The following FOXRED1 variants were observed in gnomAD, a reference collection of about 807,000 sequenced individuals.
FOXRED1 encodes the protein FAD dependent oxidoreductase domain containing 1, also known as FAD-dependent oxidoreductase domain-containing protein 1.
In FOXRED1, 52 loss-of-function variants were observed where a neutral mutation model predicts 57.8. The observed-to-expected ratio is 0.90, with a 90% CI of 0.72 to 1.13. The LOEUF is 1.13. Ranked by LOEUF, FOXRED1 falls within the 50% of genes most tolerant of loss-of-function variation. The pLI, the probability that FOXRED1 is intolerant of heterozygous loss-of-function variation, is 0.00. For missense variants in FOXRED1, 589 were observed against 625.2 expected (o/e 0.94, Z 0.62); for synonymous variants, 271 against 248.3 (o/e 1.09, Z -0.86).
Position 126,271,308 on chromosome 11 carries a change from G to T in FOXRED1, c.86-129G>T. On this transcript the variant is annotated intron_variant, in intron 1 of 10. Transcript: ENST00000263578. This position sits in a 1 kb window ranked among gnomAD's most constrained non-coding sequence, Gnocchi z 5.3. Reference sequence around the variant, plus strand: ...TGTTGGGTGCAAGGTGACCTTATGAGATGGGCTGACAGTGGGGACTGCCAA... The same window carrying T: ...TGTTGGGTGCAAGGTGACCTTATGATATGGGCTGACAGTGGGGACTGCCAA... The T allele has an allele frequency of 1.4e-6, 1 of 736,502 alleles. No individual in the cohort carries two copies. Among genetic ancestry groups the T allele is most frequent in the Non-Finnish European group, 2.5e-6 (1 of 406,674 alleles). The allele number at this position is 736,502 out of a possible 1,614,324, so 45.6% of individuals were successfully genotyped here. A position where few individuals can be genotyped will look rare whatever the true frequency, so the allele number is the denominator to read the frequency against.
rs387907087 is a variant in FOXRED1, at chr11:126,276,476, C to T, written c.1054C>T (p.Arg352Trp). 13 of 1,608,600 alleles carry T rather than the reference C, an allele frequency of 8.1e-6. No individual in the cohort carries two copies. The highest frequency in any genetic ancestry group is 1.7e-4 in the Middle Eastern group (1 of 6,042). ...VADTSGAYFR[R>W]EGLGSNYLGG... ...AGACACCAGTGGAGCCTATTTTCGCCGGGAAGGATTAGGTAGCAACTACCT... is the reference window on the plus strand; with the variant it reads ...AGACACCAGTGGAGCCTATTTTCGCTGGGAAGGATTAGGTAGCAACTACCT... Residue 352 changes from arginine to tryptophan, a missense_variant, in exon 9 of 11, where the codon CGG becomes TGG. Transcript: ENST00000263578.
In FOXRED1 at chr11:126,277,490, T is replaced by G; in HGVS notation, c.1262T>G (p.Val421Gly). ...TACAACACCTTTGACCAGAATGGCG[T>G]GGTGGGCCCCCACCCGCTAGTTGTC... ...YDYNTFDQNG[V>G]VGPHPLVVNM... The change falls in exon 11 of 11, where the codon GTG (valine) becomes GGG (glycine). Residue 421 changes from valine (V) to glycine (G), a missense_variant. Physicochemically the swap from Val to Gly is moderately radical, Grantham distance 109. Coordinates refer to ENST00000263578, the MANE Select transcript of FOXRED1 (RefSeq NM_017547.4). The surrounding 1 kb of genome is among the most constrained non-coding windows in gnomAD (Gnocchi z 6.8). 6.2e-7 allele frequency: 1 copy of G among 1,613,536 alleles called. No homozygotes were observed. The highest frequency in any genetic ancestry group is 8.5e-7 in the Non-Finnish European group (1 of 1,179,996).
Position 126,275,765 on chromosome 11 carries a change from C to A in FOXRED1, c.734-29C>A. 1.4e-6 allele frequency: 2 copies of A among 1,469,884 alleles called. No homozygotes were observed. Among genetic ancestry groups the A allele is most frequent in the East Asian group, 2.3e-5 (1 of 44,190 alleles). The allele number at this position is 1,469,884 out of a possible 1,614,324, so 91.1% of individuals were successfully genotyped here. A position where few individuals can be genotyped will look rare whatever the true frequency, so the allele number is the denominator to read the frequency against. The stretch of plus-strand genomic sequence containing the variant: ...ATTTCATTCCTCTTCAGCACCTCTA[C>A]GGCCTATTTTTCATTTTCTTCTCTG... On this transcript the variant is annotated intron_variant, in intron 6 of 10. Transcript: ENST00000263578. This position sits in a 1 kb window ranked among gnomAD's most constrained non-coding sequence, Gnocchi z 5.9.
chr11:126,277,656 G>A lies in FOXRED1; in HGVS notation c.1428G>A (p.Leu476=). 1 of 1,613,680 alleles carries A rather than the reference G, an allele frequency of 6.2e-7. No homozygotes were observed. Residue 476 remains leucine, a synonymous_variant, in exon 11 of 11, where the codon TTG becomes TTA. Coordinates refer to ENST00000263578, the MANE Select transcript of FOXRED1 (RefSeq NM_017547.4). The surrounding 1 kb of genome is among the most constrained non-coding windows in gnomAD (Gnocchi z 6.8). ...CCTTCCTCTTTACCCGCTTTTACTT[G>A]GGAGAGAAGATCCAGGAGAACAACA... ...LSPFLFTRFY[L]GEKIQENNII
In FOXRED1 at chr11:126,271,947, G is replaced by A; in HGVS notation, c.306+290G>A. ...GAGCCTGCATTCAAGCTATAATTAAGTGTCTCAATTTTCTCTTTTTTTTTT... is the reference window on the plus strand; with the variant it reads ...GAGCCTGCATTCAAGCTATAATTAAATGTCTCAATTTTCTCTTTTTTTTTT... On this transcript the variant is annotated intron_variant, in intron 2 of 10. Coordinates refer to ENST00000263578, the MANE Select transcript of FOXRED1 (RefSeq NM_017547.4). This position sits in a 1 kb window ranked among gnomAD's most constrained non-coding sequence, Gnocchi z 5.3. The A allele has an allele frequency of 2.6e-6, 1 of 382,620 alleles. No homozygotes were observed. Among genetic ancestry groups the A allele is most frequent in the Non-Finnish European group, 5.0e-6 (1 of 201,986 alleles). The allele number at this position is 382,620 out of a possible 1,614,324, so 23.7% of individuals were successfully genotyped here.
rs1212098547 is a variant in FOXRED1, at chr11:126,276,535, G to T, written c.1101+12G>T. 1 of 1,602,646 alleles carries T rather than the reference G, an allele frequency of 6.2e-7. No individual in the cohort carries two copies. Among genetic ancestry groups the T allele is most frequent in the Non-Finnish European group, 8.5e-7 (1 of 1,173,428 alleles). On this transcript the variant is annotated intron_variant, in intron 9 of 10. Transcript: ENST00000263578. ...GTAGCCCCACTGAGGTAAGCTGAGT[G>T]GGGTGGGACATGCTGGCAAGGAGAC...
chr11:126,271,315 T>C lies in FOXRED1; in HGVS notation c.86-122T>C. On this transcript the variant is annotated intron_variant, in intron 1 of 10. Coordinates refer to ENST00000263578, the MANE Select transcript of FOXRED1 (RefSeq NM_017547.4). This position sits in a 1 kb window ranked among gnomAD's most constrained non-coding sequence, Gnocchi z 5.3. Reference sequence around the variant, plus strand: ...TGCAAGGTGACCTTATGAGATGGGCTGACAGTGGGGACTGCCAACTCATGT... The same window carrying C: ...TGCAAGGTGACCTTATGAGATGGGCCGACAGTGGGGACTGCCAACTCATGT... 1.3e-6 allele frequency: 1 copy of C among 756,570 alleles called. No individual in the cohort carries two copies. The allele number at this position is 756,570 out of a possible 1,614,324, so 46.9% of individuals were successfully genotyped here. A position where few individuals can be genotyped will look rare whatever the true frequency, so the allele number is the denominator to read the frequency against.
In FOXRED1 at chr11:126,275,632, G is replaced by C; in HGVS notation, c.734-162G>C. ...ATTGCACCTGAGCACTGTCCTGTCA[G>C]AGTGTGGCCAAGCTCATGCCAGCTC... is the stretch of plus-strand genomic sequence containing the variant. On this transcript the variant is annotated intron_variant, in intron 6 of 10. Transcript: ENST00000263578. The surrounding 1 kb of genome is among the most constrained non-coding windows in gnomAD (Gnocchi z 5.9). The C allele has an allele frequency of 4.2e-6, 3 of 722,270 alleles. No individual in the cohort carries two copies. The highest frequency in any genetic ancestry group is 7.5e-6 in the Non-Finnish European group (3 of 402,176). 44.7% of individuals were successfully genotyped at this position (722,270 alleles called of 1,614,324 possible).
chr11:126,269,303 G>A lies in FOXRED1; in HGVS notation c.85+12G>A. 6.2e-7 allele frequency: 1 copy of A among 1,614,172 alleles called. No individual in the cohort carries two copies. Among genetic ancestry groups the A allele is most frequent in the Non-Finnish European group, 8.5e-7 (1 of 1,179,986 alleles). ...AGGCTTTTCTCTGGGTAAAGTTGAG[G>A]ACGACAGAGGGTATTGTGGTTCTGG... On this transcript the variant is annotated intron_variant, in intron 1 of 10. Transcript: ENST00000263578.
chr11:126,276,072 G>T lies in FOXRED1; in HGVS notation c.824G>T (p.Arg275Leu), dbSNP rs760863038. 41 of 1,612,788 alleles carry T rather than the reference G, an allele frequency of 2.5e-5. No homozygotes were observed. The highest frequency in any genetic ancestry group is 3.3e-5 in the Non-Finnish European group (39 of 1,179,988). Residue 275 changes from arginine to leucine, a missense_variant, in exon 8 of 11, where the codon CGC becomes CTC. Arg to Leu is a moderately radical substitution (Grantham distance 102). Coordinates refer to ENST00000263578, the MANE Select transcript of FOXRED1 (RefSeq NM_017547.4). ...RIHEVHVKMD[R>L]SLEYQPVECA... Reference sequence around the variant, plus strand: ...TGGTGTCTGCAGGTGAAGATGGACCGCAGCCTGGAGTACCAGCCTGTGGAA... The same window carrying T: ...TGGTGTCTGCAGGTGAAGATGGACCTCAGCCTGGAGTACCAGCCTGTGGAA...
Position 126,275,546 on chromosome 11 carries a change from C to G in FOXRED1, c.733+118C>G. 1.2e-6 allele frequency: 1 copy of G among 805,304 alleles called. No homozygotes were observed. The highest frequency in any genetic ancestry group is 2.2e-6 in the Non-Finnish European group (1 of 462,150). 49.9% of individuals were successfully genotyped at this position (805,304 alleles called of 1,614,324 possible). ...GAAAGGGGTCTCCCTGAGAGCAGGT[C>G]CTAGGCATCTTGACCTGGGCTCCTC... On this transcript the variant is annotated intron_variant, in intron 6 of 10. Coordinates refer to ENST00000263578, the MANE Select transcript of FOXRED1 (RefSeq NM_017547.4). The surrounding 1 kb of genome is among the most constrained non-coding windows in gnomAD (Gnocchi z 5.9).
rs1951023796 is a variant in FOXRED1, at chr11:126,272,752, C to T, written c.307-217C>T. 1 of 619,862 alleles carries T rather than the reference C, an allele frequency of 1.6e-6. No homozygotes were observed. The highest frequency in any genetic ancestry group is 1.9e-5 in the South Asian group (1 of 53,404). The allele number at this position is 619,862 out of a possible 1,614,324, so 38.4% of individuals were successfully genotyped here. A position where few individuals can be genotyped will look rare whatever the true frequency, so the allele number is the denominator to read the frequency against. On this transcript the variant is annotated intron_variant, in intron 2 of 10. Transcript: ENST00000263578. This position sits in a 1 kb window ranked among gnomAD's most constrained non-coding sequence, Gnocchi z 4.6. Reference sequence around the variant, plus strand: ...ACCATTTTGTACCACTGTGTCAGCTCTTTCCAGATGACTGACCCTCTCTGC... The same window carrying T: ...ACCATTTTGTACCACTGTGTCAGCTTTTTCCAGATGACTGACCCTCTCTGC...
chr11:126,273,101 A>T lies in FOXRED1; in HGVS notation c.417+22A>T. The T allele has an allele frequency of 7.4e-7, 1 of 1,344,894 alleles. No individual in the cohort carries two copies. The highest frequency in any genetic ancestry group is 1.1e-6 in the Non-Finnish European group (1 of 934,034). 83.3% of individuals were successfully genotyped at this position (1,344,894 alleles called of 1,614,324 possible). A position where few individuals can be genotyped will look rare whatever the true frequency, so the allele number is the denominator to read the frequency against. On this transcript the variant is annotated intron_variant, in intron 3 of 10. Transcript: ENST00000263578. This position sits in a 1 kb window ranked among gnomAD's most constrained non-coding sequence, Gnocchi z 5.9. ...CAATGTAGGTGCAATGATATCCGGG[A>T]TGTTGGGGTGGTTACCCCTCCTTTA...
At position 126,273,488 on chromosome 11, in the gene FOXRED1, C is replaced by A. The variant is rs764877662; in HGVS notation, c.536+34C>A. On this transcript the variant is annotated intron_variant, in intron 4 of 10. Coordinates refer to ENST00000263578, the MANE Select transcript of FOXRED1 (RefSeq NM_017547.4). This position sits in a 1 kb window ranked among gnomAD's most constrained non-coding sequence, Gnocchi z 5.9. Reference sequence around the variant, plus strand: ...CTGGCACAGCCTCTTAGCTGCTTGGCAGCCAAAGGTGTTGGGTGACTCCTG... The same window carrying A: ...CTGGCACAGCCTCTTAGCTGCTTGGAAGCCAAAGGTGTTGGGTGACTCCTG... The A allele has an allele frequency of 2.1e-6, 3 of 1,425,900 alleles. No individual in the cohort carries two copies. The highest frequency in any genetic ancestry group is 1.1e-5 in the South Asian group (1 of 87,342). The allele number at this position is 1,425,900 out of a possible 1,614,324, so 88.3% of individuals were successfully genotyped here. A position where few individuals can be genotyped will look rare whatever the true frequency, so the allele number is the denominator to read the frequency against.
chr11:126,274,830 A>T lies in FOXRED1; in HGVS notation c.537-97A>T, dbSNP rs2135263211. Reference sequence around the variant, plus strand: ...TTGGGGCAGAGAAGTGACATGACTGAGCTGGACTCCCCACTTGTGGAGTTG... The same window carrying T: ...TTGGGGCAGAGAAGTGACATGACTGTGCTGGACTCCCCACTTGTGGAGTTG... On this transcript the variant is annotated intron_variant, in intron 4 of 10. Coordinates refer to ENST00000263578, the MANE Select transcript of FOXRED1 (RefSeq NM_017547.4). The surrounding 1 kb of genome is among the most constrained non-coding windows in gnomAD (Gnocchi z 4.8). The T allele has an allele frequency of 1.2e-6, 1 of 806,026 alleles. No individual in the cohort carries two copies. Among genetic ancestry groups the T allele is most frequent in the South Asian group, 1.3e-5 (1 of 74,560 alleles). 49.9% of individuals were successfully genotyped at this position (806,026 alleles called of 1,614,324 possible).
chr11:126,277,082 G>A lies in FOXRED1; in HGVS notation c.1113G>A (p.Pro371=), dbSNP rs759206750. 5.6e-6 allele frequency: 9 copies of A among 1,611,450 alleles called. No homozygotes were observed. The highest frequency in any genetic ancestry group is 1.6e-4 in the Middle Eastern group (1 of 6,082). ...ACCTCTCACTCCAGCAGGAAGAACC[G>A]GACCCGGCGAACCTGGAAGTGGACC... ...GGRSPTEQEE[P]DPANLEVDHD... Residue 371 remains proline, a synonymous_variant, in exon 10 of 11, where the codon CCG becomes CCA. Coordinates refer to ENST00000263578, the MANE Select transcript of FOXRED1 (RefSeq NM_017547.4). This position sits in a 1 kb window ranked among gnomAD's most constrained non-coding sequence, Gnocchi z 6.8.
Position 126,275,200 on chromosome 11 carries a change from G to A in FOXRED1, c.632-127G>A. The A allele has an allele frequency of 1.2e-6, 1 of 837,758 alleles. No individual in the cohort carries two copies. Among genetic ancestry groups the A allele is most frequent in the South Asian group, 1.4e-5 (1 of 71,584 alleles). 51.9% of individuals were successfully genotyped at this position (837,758 alleles called of 1,614,324 possible). ...GTCCTTCATCAGGCTTTGTCTCTGT[G>A]GTTCAGTTGGTTAAGATGACCTTCC... On this transcript the variant is annotated intron_variant, in intron 5 of 10. Coordinates refer to ENST00000263578, the MANE Select transcript of FOXRED1 (RefSeq NM_017547.4). The surrounding 1 kb of genome is among the most constrained non-coding windows in gnomAD (Gnocchi z 5.9).
In FOXRED1 at chr11:126,273,835, GTC is replaced by G. The variant is rs1415913992; in HGVS notation, c.536+385_536+386del. On this transcript the variant is annotated intron_variant, in intron 4 of 10. Transcript: ENST00000263578. The surrounding 1 kb of genome is among the most constrained non-coding windows in gnomAD (Gnocchi z 5.9). ...TATTTTAGGTTTTGCTGGCCATACA[GTC>G]TCTATTCCAACCACTTTGCTATCAC... The G allele has an allele frequency of 3.5e-6, 1 of 285,482 alleles. No homozygotes were observed. The highest frequency in any genetic ancestry group is 6.9e-6 in the Non-Finnish European group (1 of 144,370). The allele number at this position is 285,482 out of a possible 1,614,324, so 17.7% of individuals were successfully genotyped here.
In FOXRED1 at chr11:126,275,737, C is replaced by A; in HGVS notation, c.734-57C>A. On this transcript the variant is annotated intron_variant, in intron 6 of 10. Coordinates refer to ENST00000263578, the MANE Select transcript of FOXRED1 (RefSeq NM_017547.4). This position sits in a 1 kb window ranked among gnomAD's most constrained non-coding sequence, Gnocchi z 5.9. ...CTTTCCTTAAGAAACCAGTGAAATCCCCATTTCATTCCTCTTCAGCACCTC... is the reference window on the plus strand; with the variant it reads ...CTTTCCTTAAGAAACCAGTGAAATCACCATTTCATTCCTCTTCAGCACCTC... 1.7e-6 allele frequency: 2 copies of A among 1,175,166 alleles called. No homozygotes were observed. Among genetic ancestry groups the A allele is most frequent in the South Asian group, 1.2e-5 (1 of 82,018 alleles). The allele number at this position is 1,175,166 out of a possible 1,614,324, so 72.8% of individuals were successfully genotyped here. A position where few individuals can be genotyped will look rare whatever the true frequency, so the allele number is the denominator to read the frequency against.
Sources: gnomAD v4.1 joint callset for allele counts on GRCh38, gnomAD v4.1.1 for gene constraint, Gnocchi (gnomAD v3.1) non-coding constraint, MANE v1.5 for transcripts, NCBI Gene and HGNC (gene_info 2026-07-23, HGNC 2026-07-21) for gene names.